Variants in TEAD1 observed in about 807,000 individuals in gnomAD.
TEAD1 encodes TEA domain transcription factor 1, also known as transcriptional enhancer factor TEF-1.
TEAD1 carries 9 observed loss-of-function variants against 54.9 expected under a neutral mutation model. The observed-to-expected ratio is 0.16, with a 90% CI of 0.10 to 0.29. The LOEUF (loss-of-function observed/expected upper bound fraction) is 0.29, where lower values mean the gene tolerates loss of function less well. TEAD1 is among the 10% of genes least tolerant of loss of function. The pLI is 1.00. For missense variants in TEAD1, 387 were observed against 535.9 expected (o/e 0.72, Z 2.74); for synonymous variants, 200 against 187.8 (o/e 1.07, Z -0.53).
intron 2 of TEAD1, among the ~76,000 whole-genome samples, chr11:12,727,666 T>C (rs1040403262): frequency 1.3e-5 from 2 of 152,198 alleles, no homozygotes; most frequent in African/African-American, 4.8e-5. Flanking sequence ...TGGCCAGTTA[T>C]AAAATAGAAG....
intron 2 of TEAD1, among the ~76,000 whole-genome samples, chr11:12,699,851 C>T (rs1001150930): frequency 3.9e-5 from 6 of 152,140 alleles, no homozygotes; most frequent in Non-Finnish European, 8.8e-5. Flanking sequence ...ATTCAGTGCA[C>T]CTTTTGAGAT....
At chr11:12,832,918 A>G (rs1422328774) in intron 3 of TEAD1, among the ~76,000 whole-genome samples, 1 of 152,104 alleles carries the variant, frequency 6.6e-6, no homozygotes, top group Non-Finnish European at 1.5e-5. Context: ...GCTTGGCTGT[A>G]ATTCCTCAGG....
At chr11:12,890,558 A>C (rs566700057) in intron 9 of TEAD1, among the ~76,000 whole-genome samples, 92 of 152,296 alleles carry the variant, frequency 6.0e-4, no homozygotes, top group African/African-American at 2.1e-3. Flanking sequence ...TTAAGTGGAC[A>C]TAACAGGATC....
chr11:12,910,785 C>G (rs1394346863), intron 10 of TEAD1, among the ~76,000 whole-genome samples: 1 of 130,124 alleles, frequency 7.7e-6, no homozygotes, highest in African/African-American at 3.0e-5. Context: ...CTCGCTCTGT[C>G]TCACAGGCTG....
intron 2 of TEAD1, among the ~76,000 whole-genome samples, chr11:12,743,847 G>A (rs1449639397): frequency 6.6e-6 from 1 of 152,184 alleles, no homozygotes; most frequent in East Asian, 1.9e-4. Context: ...TGATTTGCCG[G>A]ACACCTATCC....
intron 2 of TEAD1, among the ~76,000 whole-genome samples, chr11:12,691,739 A>G (rs1943461922): frequency 1.3e-5 from 2 of 152,110 alleles, no homozygotes; most frequent in South Asian, 4.2e-4. Context: ...TGTCTGCCTG[A>G]TAGTTTGTTC....
At chr11:12,897,487 T>G (rs1304067750) in intron 9 of TEAD1, among the ~76,000 whole-genome samples, 2 of 152,216 alleles carry the variant, frequency 1.3e-5, no homozygotes, top group Non-Finnish European at 2.9e-5. Flanking sequence ...TCTGTTTGTT[T>G]CAATGCTGTG....
intron 3 of TEAD1, 70 bp downstream of exon 3, chr11:12,764,504 G>GT: frequency 6.4e-7 from 1 of 1,563,388 alleles, no homozygotes; most frequent in Non-Finnish European, 8.8e-7. Flanking sequence ...ATTGTAGCTG[G>GT]TCTTCCAGCA....
Position 12,692,191 on chromosome 11 carries a change from GTT to G in TEAD1, c.-55+16631_-55+16632del, listed in dbSNP as rs542912904. ...TTCTTGGAAATTGTTTTATGCCCAT[GTT>G]GGTGCATCATAGACTATGCACTTAG... On this transcript the variant is annotated intron_variant, in intron 2 of 12. Transcript: ENST00000527636. Among the ~76,000 whole-genome samples the G allele has an allele frequency of 3.8e-3, 586 of 152,224 alleles. 2 individuals are homozygous for G. Among genetic ancestry groups the G allele is most frequent in the African/African-American group, 0.013 (557 of 41,528 alleles).
At chr11:12,877,410 T>G (rs1236507860) in intron 5 of TEAD1, among the ~76,000 whole-genome samples, 1 of 152,206 alleles carries the variant, frequency 6.6e-6, no homozygotes. Flanking sequence ...CCCAGCACTT[T>G]GGGAGGCCAA....
intron 10 of TEAD1, among the ~76,000 whole-genome samples, chr11:12,920,579 C>T (rs1948786814): frequency 6.6e-6 from 1 of 152,104 alleles, no homozygotes; most frequent in South Asian, 2.1e-4. Flanking sequence ...CTTAAGCGAG[C>T]CTCCTGCCTC....
intron 2 of TEAD1, among the ~76,000 whole-genome samples, chr11:12,738,693 T>C (rs1009834937): frequency 6.6e-6 from 1 of 152,186 alleles, no homozygotes; most frequent in Non-Finnish European, 1.5e-5. Context: ...GATGAAAAAA[T>C]CTTTGAATTT....
chr11:12,733,966 A>G (rs1944473949), intron 2 of TEAD1, among the ~76,000 whole-genome samples: 1 of 152,042 alleles, frequency 6.6e-6, no homozygotes, highest in African/African-American at 2.4e-5. Context: ...GTTGCCCAGG[A>G]TGGAGTGTGA....
rs1949131564 is a variant in TEAD1 at position 12,938,669 on chromosome 11, G to A, written c.*1447G>A. Reference sequence around the variant, plus strand: ...CCTTTTCAAATAGGCTCATTTGGGAGATTCTTTTGCCAGGAGAGATTCAAC... The same window carrying A: ...CCTTTTCAAATAGGCTCATTTGGGAAATTCTTTTGCCAGGAGAGATTCAAC... On this transcript the variant is annotated 3_prime_UTR_variant, in exon 13 of 13. Coordinates refer to ENST00000527636, the MANE Select transcript of TEAD1 (RefSeq NM_021961.6). 6.6e-6 allele frequency: 1 copy of A among 152,380 alleles called. No individual in the cohort carries two copies. The highest frequency in any genetic ancestry group is 2.4e-5 in the African/African-American group (1 of 41,590). The allele number at this position is 152,380 out of a possible 1,614,324, so 9.4% of individuals were successfully genotyped here. A position where few individuals can be genotyped will look rare whatever the true frequency, so the allele number is the denominator to read the frequency against.
chr11:12,710,330 A>T (rs926243013), intron 2 of TEAD1, among the ~76,000 whole-genome samples: 10 of 151,940 alleles, frequency 6.6e-5, no homozygotes, highest in East Asian at 3.9e-4. Flanking sequence ...TCTCAAAATT[A>T]AAAAAAACCC....
chr11:12,934,717 G>C (rs560090115), intron 12 of TEAD1, among the ~76,000 whole-genome samples: 1 of 152,178 alleles, frequency 6.6e-6, no homozygotes, highest in South Asian at 2.1e-4. Flanking sequence ...GAATGCTCAA[G>C]TCTGCACTTT....
chr11:12,824,915 A>G (rs1251972097), intron 3 of TEAD1, among the ~76,000 whole-genome samples: 2 of 152,196 alleles, frequency 1.3e-5, no homozygotes, highest in East Asian at 1.9e-4. Flanking sequence ...TCGAGCATTC[A>G]TTACATGAGA....
intron 4 of TEAD1, among the ~76,000 whole-genome samples, chr11:12,864,180 A>G (rs1432610811): frequency 6.6e-6 from 1 of 152,144 alleles, no homozygotes; most frequent in Non-Finnish European, 1.5e-5. Context: ...AGAGCTCTTA[A>G]TGAGATCAGA....
chr11:12,815,369 G>A (rs116982005), intron 3 of TEAD1, among the ~76,000 whole-genome samples: 112 of 151,938 alleles, frequency 7.4e-4, no homozygotes, highest in Non-Finnish European at 1.1e-3. Context: ...AGCTGTTTCC[G>A]TTTGGTTTTT....
Sources: allele counts gnomAD v4.1 joint callset (sites outside exome capture counted in the v4.1 genomes callset), GRCh38; gene constraint gnomAD v4.1.1; transcripts MANE v1.5; gene names NCBI Gene and HGNC (gene_info 2026-07-23, HGNC 2026-07-21).